ADAM22: variants seen among roughly 807,000 people sequenced by gnomAD.
ADAM22 encodes ADAM metallopeptidase domain 22.
Under a neutral mutation model 144.6 loss-of-function variants are expected in ADAM22, and 65 were observed. That is an observed-to-expected ratio of 0.45 (90% CI 0.37 to 0.55). The LOEUF (loss-of-function observed/expected upper bound fraction) is 0.55, where lower values mean the gene tolerates loss of function less well. Among genes scored for constraint, ADAM22 ranks in the 20% least tolerant of loss-of-function variants. ADAM22 has a pLI of 0.00. For synonymous variants in ADAM22, 391 were observed against 412.6 expected (o/e 0.95, Z 0.63); for missense variants, 974 against 1,184.9 (o/e 0.82, Z 2.61).
chr7:87,968,525 G>A (rs1849678568), intron 2 of ADAM22, among the ~76,000 whole-genome samples: 1 of 151,908 alleles, frequency 6.6e-6, no homozygotes, highest in African/African-American at 2.4e-5. Flanking sequence ...CTCCAGCCTG[G>A]GCAACACAGT....
intron 22 of ADAM22, among the ~76,000 whole-genome samples, chr7:88,161,834 G>A (rs998599155): frequency 6.6e-5 from 10 of 151,900 alleles, no homozygotes; most frequent in Non-Finnish European, 1.3e-4. Context: ...CGCAGACAAA[G>A]GGGAACATTT....
At chr7:88,109,429 C>A (rs150632521) in intron 5 of ADAM22, among the ~76,000 whole-genome samples, 88 of 152,276 alleles carry the variant, frequency 5.8e-4, no homozygotes, top group East Asian at 3.7e-3. Context: ...TCTCTTTTAA[C>A]TAAATCGTTT....
intron 4 of ADAM22, among the ~76,000 whole-genome samples, chr7:88,076,045 G>A (rs1317913920): frequency 1.3e-5 from 2 of 152,000 alleles, no homozygotes; most frequent in East Asian, 1.9e-4. Context: ...ACAAAGTCTC[G>A]CTCTTGTCGC....
intron 3 of ADAM22, among the ~76,000 whole-genome samples, chr7:88,045,940 C>A (rs1161971948): frequency 2.6e-5 from 3 of 113,854 alleles, no homozygotes; most frequent in South Asian, 3.4e-4. Flanking sequence ...GTGTATGTCA[C>A]CCTGTTTTCT....
intron 2 of ADAM22, among the ~76,000 whole-genome samples, chr7:87,948,625 C>T (rs962148817): frequency 6.6e-6 from 1 of 152,140 alleles, no homozygotes; most frequent in Non-Finnish European, 1.5e-5. Flanking sequence ...TCCATTGCTA[C>T]AGGATAGGGA....
chr7:88,041,235 G>T (rs551896773), intron 3 of ADAM22, among the ~76,000 whole-genome samples: 21 of 151,994 alleles, frequency 1.4e-4, no homozygotes, highest in Non-Finnish European at 2.5e-4. Flanking sequence ...TGTGCAGGGG[G>T]TATACACCTT....
At chr7:88,010,453 C>G (rs1322923733) in intron 3 of ADAM22, among the ~76,000 whole-genome samples, 5 of 152,208 alleles carry the variant, frequency 3.3e-5, no homozygotes, top group African/African-American at 4.8e-5. Flanking sequence ...CGAACAGTGT[C>G]ATATCTGTTA....
chr7:88,033,505 A>G (rs1022301931), intron 3 of ADAM22, among the ~76,000 whole-genome samples: 4 of 152,236 alleles, frequency 2.6e-5, no homozygotes, highest in African/African-American at 9.6e-5. Context: ...CCCAGAGCTA[A>G]CATAGCACTG....
intron 30 of ADAM22, among the ~76,000 whole-genome samples, chr7:88,192,893 A>G (rs1366656682): frequency 6.6e-6 from 1 of 152,182 alleles, no homozygotes; most frequent in Non-Finnish European, 1.5e-5. Context: ...GTATCATTCT[A>G]TGTTCTAACA....
rs1382560422 is a variant in ADAM22, at chr7:88,012,983, A to T, written c.323+34571A>T. Among the ~76,000 whole-genome samples the T allele has an allele frequency of 2.0e-5, 3 of 152,136 alleles. No individual in the cohort carries two copies. In the East Asian group the frequency reaches 5.8e-4, roughly 29 times the overall value. On this transcript the variant is annotated intron_variant, in intron 3 of 31. Transcript: ENST00000413139. ...TTCCTCTTTCCCTCTAGAGCCAAGG[A>T]CTCGGGGGACCAGGGAAATCTTCAC...
chr7:87,935,782 T>G (rs948288116), intron 2 of ADAM22, among the ~76,000 whole-genome samples: 1 of 152,252 alleles, frequency 6.6e-6, no homozygotes, highest in Non-Finnish European at 1.5e-5. Flanking sequence ...CTTGGTTTAA[T>G]TAGGGCTGTG....
chr7:88,127,693 A>G (rs1830752474), intron 8 of ADAM22, among the ~76,000 whole-genome samples: 1 of 151,938 alleles, frequency 6.6e-6, no homozygotes, highest in Admixed American at 6.6e-5. Flanking sequence ...AAACAAACAT[A>G]TATGTATTGA....
At chr7:88,069,732 C>T (rs1199135082) in intron 3 of ADAM22, among the ~76,000 whole-genome samples, 1 of 151,544 alleles carries the variant, frequency 6.6e-6, no homozygotes, top group Non-Finnish European at 1.5e-5. Flanking sequence ...ATGAGGTAGC[C>T]CAGGTGTAGA....
intron 3 of ADAM22, among the ~76,000 whole-genome samples, chr7:88,039,671 T>G (rs1802619740): frequency 6.6e-6 from 1 of 150,656 alleles, no homozygotes; most frequent in Non-Finnish European, 1.5e-5. Flanking sequence ...CAGTGGTGAT[T>G]ACTGTTTGGC....
Position 88,193,141 on chromosome 7 carries a change from T to G in ADAM22, c.2776T>G (p.Ser926Ala). The G allele has an allele frequency of 6.2e-7, 1 of 1,614,102 alleles. No individual in the cohort carries two copies. The highest frequency in any genetic ancestry group is 8.5e-7 in the Non-Finnish European group (1 of 1,179,966). Residue 926 changes from serine to alanine, a missense_variant, in exon 31 of 32, where the codon TCT becomes GCT. By Grantham distance (99) the Ser-to-Ala change is moderately conservative. Around this residue, in one of 2 missense-constraint regions of ADAM22, gnomAD observed 734 missense variants for 950.6 expected, o/e 0.77. Coordinates refer to ENST00000413139, the MANE Select transcript of ADAM22 (RefSeq NM_001324418.2). ...FRTLSPAKSP[S>A]SSTGSIASSR... The stretch of plus-strand genomic sequence containing the variant: ...GACTTTATCTCCTGCCAAGTCTCCT[T>G]CTTCATCAACTGGGTCTATTGCCTC...
chr7:87,977,514 C>T (rs780127095), intron 2 of ADAM22, among the ~76,000 whole-genome samples: 3 of 152,250 alleles, frequency 2.0e-5, no homozygotes, highest in Admixed American at 6.5e-5. Flanking sequence ...AACATAAACA[C>T]GAAAAATTCC....
chr7:87,940,299 G>A (rs1024295390), intron 2 of ADAM22, among the ~76,000 whole-genome samples: 3 of 151,078 alleles, frequency 2.0e-5, no homozygotes, highest in Non-Finnish European at 4.4e-5. Context: ...CCATAAATAT[G>A]TATAGTTATT....
At chr7:87,959,277 A>G (rs1847517108) in intron 2 of ADAM22, among the ~76,000 whole-genome samples, 1 of 152,172 alleles carries the variant, frequency 6.6e-6, no homozygotes. Flanking sequence ...TAAGAATAGT[A>G]CCCAGTTCAT....
chr7:88,123,292 C>G, intron 7 of ADAM22, among the ~76,000 whole-genome samples: 1 of 151,698 alleles, frequency 6.6e-6, no homozygotes, highest in Non-Finnish European at 1.5e-5. Context: ...AGTTTCCAAA[C>G]TCTTTTTTTT....
Sources: allele counts gnomAD v4.1 joint callset (sites outside exome capture counted in the v4.1 genomes callset), GRCh38; gene constraint gnomAD v4.1.1; regional missense constraint gnomAD v4.1.1; transcripts MANE v1.5; gene names NCBI Gene and HGNC (gene_info 2026-07-23, HGNC 2026-07-21).